RALYL: variants seen among roughly 807,000 people sequenced by gnomAD.
RALYL encodes the protein RALY RNA binding protein like.
Under a neutral mutation model 35.1 loss-of-function variants are expected in RALYL, and 29 were observed. That is an observed-to-expected ratio of 0.83 (90% CI 0.61 to 1.13). The LOEUF (loss-of-function observed/expected upper bound fraction) is 1.13. RALYL is among the 50% of genes most tolerant of loss of function. The pLI, the probability that RALYL is intolerant of heterozygous loss-of-function variation, is 0.00. For missense variants in RALYL, 359 were observed against 360.4 expected (o/e 1.00, Z 0.03); for synonymous variants, 120 against 127.6 (o/e 0.94, Z 0.40).
chr8:84,861,464 AAATT>A (rs545547438), intron 5 of RALYL, among the ~76,000 whole-genome samples: 210 of 152,316 alleles, frequency 1.4e-3, no homozygotes, highest in Admixed American at 3.3e-3. Context: ...TGTTTAATGG[AAATT>A]AATTGATTGT....
At chr8:84,431,427 T>G (rs2047129668) in intron 1 of RALYL, among the ~76,000 whole-genome samples, 1 of 152,020 alleles carries the variant, frequency 6.6e-6, no homozygotes, top group African/African-American at 2.4e-5. Context: ...GAAACGCAAA[T>G]GAAACTACAG....
intron 3 of RALYL, among the ~76,000 whole-genome samples, chr8:84,795,943 T>TTGA (rs1221783610): frequency 1.3e-5 from 2 of 152,206 alleles, no homozygotes; most frequent in African/African-American, 4.8e-5. Context: ...TTTTTCAATG[T>TTGA]TGATAGGACA....
intron 1 of RALYL, among the ~76,000 whole-genome samples, chr8:84,306,565 A>G (rs530354607): frequency 6.6e-6 from 1 of 152,218 alleles, no homozygotes; most frequent in East Asian, 1.9e-4. Flanking sequence ...TGCCTGGGAC[A>G]AGGTTATACC....
intron 2 of RALYL, among the ~76,000 whole-genome samples, chr8:84,575,146 T>C (rs1588278717): frequency 6.6e-6 from 1 of 152,322 alleles, no homozygotes; most frequent in East Asian, 1.9e-4. Context: ...GTCTTTTCTA[T>C]TTATTTCAGT....
intron 1 of RALYL, among the ~76,000 whole-genome samples, chr8:84,495,394 A>G (rs1050163122): frequency 6.6e-6 from 1 of 151,962 alleles, no homozygotes; most frequent in African/African-American, 2.4e-5. Context: ...GAAAAATGTC[A>G]TTTTCATTTT....
chr8:84,668,415 AGTTGGGGCAT>A (rs1182629035), intron 2 of RALYL, among the ~76,000 whole-genome samples: 1 of 152,120 alleles, frequency 6.6e-6, no homozygotes, highest in African/African-American at 2.4e-5. Flanking sequence ...GGGGATAGGG[AGTTGGGGCAT>A]TATTTAAAAC....
intron 1 of RALYL, among the ~76,000 whole-genome samples, chr8:84,307,693 G>T (rs1380793492): frequency 6.6e-6 from 1 of 152,144 alleles, no homozygotes; most frequent in African/African-American, 2.4e-5. Flanking sequence ...GGCGAATGGG[G>T]AAGAAAGAGG....
intron 1 of RALYL, among the ~76,000 whole-genome samples, chr8:84,372,724 T>G (rs527484576): frequency 6.6e-6 from 1 of 151,856 alleles, no homozygotes; most frequent in Non-Finnish European, 1.5e-5. Flanking sequence ...GTAATATTCC[T>G]TTGGGTATAT....
intron 1 of RALYL, among the ~76,000 whole-genome samples, chr8:84,327,165 G>A (rs965065952): frequency 6.6e-6 from 1 of 152,110 alleles, no homozygotes; most frequent in African/African-American, 2.4e-5. Flanking sequence ...TGAAAACTCA[G>A]GAATGGAAAT....
intron 2 of RALYL, among the ~76,000 whole-genome samples, chr8:84,745,586 A>AT (rs932859947): frequency 6.6e-5 from 10 of 151,822 alleles, no homozygotes; most frequent in South Asian, 2.1e-4. Flanking sequence ...CCCATAGTAT[A>AT]TTTTTTTTCA....
At chr8:84,469,417 G>T (rs532130243) in intron 1 of RALYL, among the ~76,000 whole-genome samples, 13 of 152,248 alleles carry the variant, frequency 8.5e-5, no homozygotes, top group Non-Finnish European at 1.3e-4. Flanking sequence ...AGGTGTCAGT[G>T]TGCCCCTGCT....
At chr8:84,714,650 A>G (rs1189324215) in intron 2 of RALYL, among the ~76,000 whole-genome samples, 1 of 151,968 alleles carries the variant, frequency 6.6e-6, no homozygotes, top group Non-Finnish European at 1.5e-5. Flanking sequence ...CATCTTTGAA[A>G]CATCAGAAAG....
intron 8 of RALYL, among the ~76,000 whole-genome samples, chr8:84,891,475 T>A (rs1400566830): frequency 6.6e-6 from 1 of 152,154 alleles, no homozygotes; most frequent in Non-Finnish European, 1.5e-5. Context: ...CATACAGTCA[T>A]GGCAATAAAT....
intron 2 of RALYL, among the ~76,000 whole-genome samples, chr8:84,753,111 G>A (rs1157291125): frequency 1.3e-5 from 2 of 152,130 alleles, no homozygotes; most frequent in African/African-American, 4.8e-5. Context: ...TCCACCCCTT[G>A]CATCAGTGTA....
At chr8:84,388,045 A>G (rs541358366) in intron 1 of RALYL, among the ~76,000 whole-genome samples, 1 of 151,846 alleles carries the variant, frequency 6.6e-6, no homozygotes, top group East Asian at 2.0e-4. Flanking sequence ...TCCTGTGTCC[A>G]TGTGATCTCA....
At chr8:84,891,814 T>C (rs1257031083) in intron 8 of RALYL, among the ~76,000 whole-genome samples, 2 of 152,162 alleles carry the variant, frequency 1.3e-5, no homozygotes, top group African/African-American at 2.4e-5. Flanking sequence ...CCATCCTTGG[T>C]TCCCAAAAAG....
intron 1 of RALYL, among the ~76,000 whole-genome samples, chr8:84,375,832 G>A (rs1052175187): frequency 1.3e-5 from 2 of 151,682 alleles, no homozygotes; most frequent in Non-Finnish European, 2.9e-5. Context: ...AAAATAAATC[G>A]ACTAGTCTTT....
At chr8:84,361,493 G>A (rs1853027948) in intron 1 of RALYL, among the ~76,000 whole-genome samples, 2 of 152,134 alleles carry the variant, frequency 1.3e-5, no homozygotes, top group Admixed American at 1.3e-4. Flanking sequence ...GGATGGGGTG[G>A]CTACATCAGA....
chr8:84,422,008 T>C (rs2045684729), intron 1 of RALYL, among the ~76,000 whole-genome samples: 2 of 152,300 alleles, frequency 1.3e-5, no homozygotes, highest in South Asian at 2.1e-4. Context: ...TCTAAAATTC[T>C]CTTTTTTGGT....
Sources: allele counts gnomAD v4.1 joint callset (sites outside exome capture counted in the v4.1 genomes callset), GRCh38; gene constraint gnomAD v4.1.1; transcripts MANE v1.5; gene names NCBI Gene and HGNC (gene_info 2026-07-23, HGNC 2026-07-21).